The following CCSER1 variants were observed in gnomAD, a reference collection of about 807,000 sequenced individuals.
CCSER1 encodes the protein serine-rich coiled-coil domain-containing protein 1.
CCSER1 carries 41 observed loss-of-function variants against 82.0 expected under a neutral mutation model. That is an observed-to-expected ratio of 0.50 (90% CI 0.39 to 0.65). The LOEUF (loss-of-function observed/expected upper bound fraction) is 0.65, where lower values mean the gene tolerates loss of function less well. Ranked by LOEUF, CCSER1 falls within the 30% of genes least tolerant of loss-of-function variation. CCSER1 has a pLI of 0.00. For synonymous variants in CCSER1, 414 were observed against 383.9 expected (o/e 1.08, Z -0.92); for missense variants, 1,119 against 1,064.2 (o/e 1.05, Z -0.72).
At chr4:90,505,006 C>A (rs1770479924) in intron 5 of CCSER1, among the ~76,000 whole-genome samples, 1 of 152,098 alleles carries the variant, frequency 6.6e-6, no homozygotes, top group African/African-American at 2.4e-5. Flanking sequence ...CAACTGGGGC[C>A]ACAGAACAAC....
chr4:90,605,572 C>T (rs1484148355), intron 5 of CCSER1, among the ~76,000 whole-genome samples: 4 of 152,118 alleles, frequency 2.6e-5, no homozygotes, highest in African/African-American at 9.7e-5. Flanking sequence ...TTGTTTCCTC[C>T]TTGGGAAAAT....
chr4:91,108,584 C>A (rs571146277), intron 10 of CCSER1, among the ~76,000 whole-genome samples: 1 of 152,258 alleles, frequency 6.6e-6, no homozygotes, highest in East Asian at 1.9e-4. Context: ...TATACTCTGA[C>A]GTATAGTACT....
intron 10 of CCSER1, among the ~76,000 whole-genome samples, chr4:91,441,631 C>G (rs1454613205): frequency 6.6e-6 from 1 of 152,118 alleles, no homozygotes; most frequent in African/African-American, 2.4e-5. Flanking sequence ...GGCAGTTAGG[C>G]AGGAGAAGGA....
chr4:90,710,942 C>T (rs570245636), intron 6 of CCSER1, among the ~76,000 whole-genome samples: 27 of 152,034 alleles, frequency 1.8e-4, no homozygotes, highest in South Asian at 8.3e-4. Flanking sequence ...TCAGATGATA[C>T]TGATTCTTCT....
chr4:90,236,934 GT>G lies in CCSER1; in HGVS notation c.-41-71308del, dbSNP rs1435031352. 7.2e-5 allele frequency among the ~76,000 whole-genome samples: 11 copies of G among 152,152 alleles called. 1 individual carries two copies. In the East Asian group the frequency reaches 2.1e-3, roughly 29 times the overall value. ...TTGATTAGGTTTTCTTAATTTTAAA[GT>G]TGGAATGAAAGAAAAATGTGTTAGT... On this transcript the variant is annotated intron_variant, in intron 1 of 10. Coordinates refer to ENST00000509176, the MANE Select transcript of CCSER1 (RefSeq NM_001145065.2).
chr4:90,150,396 T>G (rs891355747), intron 1 of CCSER1, among the ~76,000 whole-genome samples: 1 of 152,136 alleles, frequency 6.6e-6, no homozygotes, highest in African/African-American at 2.4e-5. Flanking sequence ...GTTTCACACA[T>G]TTGGTGAATT....
rs145298844 is a variant in CCSER1, at chr4:91,367,064, T to C, written c.2218-231508T>C. The stretch of plus-strand genomic sequence containing the variant: ...ATCCTAGCATTTTGGGAGGCTGAGG[T>C]GGGTGGATTGCTTGAATTCAGGAGT... On this transcript the variant is annotated intron_variant, in intron 10 of 10. Transcript: ENST00000509176. 7.6e-3 allele frequency among the ~76,000 whole-genome samples: 1,016 copies of C among 133,888 alleles called. 17 individuals are homozygous for C. The highest frequency in any genetic ancestry group is 0.027 in the African/African-American group (951 of 35,124). The allele number at this position is 133,888 out of a possible 152,430, so 87.8% of individuals were successfully genotyped here.
intron 10 of CCSER1, among the ~76,000 whole-genome samples, chr4:91,269,796 A>G (rs1741885217): frequency 6.6e-6 from 1 of 152,168 alleles, no homozygotes; most frequent in Non-Finnish European, 1.5e-5. Context: ...AAGATAATAC[A>G]ATTAAAACTC....
chr4:90,619,152 ATGGAAC>A (rs1347864177), intron 5 of CCSER1, among the ~76,000 whole-genome samples: 7 of 152,096 alleles, frequency 4.6e-5, no homozygotes, highest in African/African-American at 1.7e-4. Flanking sequence ...AAAAACTACA[ATGGAAC>A]TGAACTTCTA....
intron 5 of CCSER1, among the ~76,000 whole-genome samples, chr4:90,589,100 A>G (rs1193403952): frequency 6.6e-6 from 1 of 152,206 alleles, no homozygotes; most frequent in Non-Finnish European, 1.5e-5. Flanking sequence ...ACTAAAATAC[A>G]GGGAAAGTAT....
At chr4:90,321,166 T>C (rs1216317389) in intron 3 of CCSER1, among the ~76,000 whole-genome samples, 1 of 152,138 alleles carries the variant, frequency 6.6e-6, no homozygotes, top group African/African-American at 2.4e-5. Context: ...ATCTTATTCA[T>C]TCTACATAAC....
At chr4:90,949,929 C>G (rs1173146151) in intron 9 of CCSER1, among the ~76,000 whole-genome samples, 2 of 152,078 alleles carry the variant, frequency 1.3e-5, no homozygotes, top group Non-Finnish European at 2.9e-5. Context: ...AAAAACTTGC[C>G]TGCTGTCACA....
At chr4:91,353,290 G>A (rs1019310199) in intron 10 of CCSER1, among the ~76,000 whole-genome samples, 6 of 137,588 alleles carry the variant, frequency 4.4e-5, no homozygotes, top group East Asian at 3.0e-4. Flanking sequence ...TGAAAGGGTC[G>A]TGATTGATTT....
intron 8 of CCSER1, among the ~76,000 whole-genome samples, chr4:90,876,096 T>C (rs191294251): frequency 6.6e-6 from 1 of 152,048 alleles, no homozygotes; most frequent in East Asian, 1.9e-4. Context: ...GGAAGGCAAT[T>C]ATGAGAAGAA....
chr4:91,479,449 A>G (rs1365989182), intron 10 of CCSER1, among the ~76,000 whole-genome samples: 1 of 151,722 alleles, frequency 6.6e-6, no homozygotes, highest in African/African-American at 2.4e-5. Context: ...AAACGTCACT[A>G]GAAGAATCAC....
chr4:91,572,195 T>C (rs926806392), intron 10 of CCSER1, among the ~76,000 whole-genome samples: 10 of 152,062 alleles, frequency 6.6e-5, no homozygotes, highest in Non-Finnish European at 1.5e-4. Flanking sequence ...GCAATATACT[T>C]GGGCCAGCTC....
At chr4:90,292,540 C>G (rs914339950) in intron 1 of CCSER1, among the ~76,000 whole-genome samples, 1 of 151,840 alleles carries the variant, frequency 6.6e-6, no homozygotes, top group African/African-American at 2.4e-5. Flanking sequence ...AAAAGCCAAA[C>G]CCAAGATTCT....
chr4:90,693,925 G>A (rs1159317926), intron 6 of CCSER1, among the ~76,000 whole-genome samples: 1 of 151,752 alleles, frequency 6.6e-6, no homozygotes, highest in African/African-American at 2.4e-5. Flanking sequence ...AGGAGAGAGA[G>A]AGGGGAAAGA....
intron 10 of CCSER1, among the ~76,000 whole-genome samples, chr4:91,318,321 A>G (rs1429897998): frequency 6.6e-6 from 1 of 152,016 alleles, no homozygotes; most frequent in Non-Finnish European, 1.5e-5. Context: ...ATAAGTCTGT[A>G]AAGTTTCATT....
Sources: allele counts gnomAD v4.1 joint callset (sites outside exome capture counted in the v4.1 genomes callset), GRCh38; gene constraint gnomAD v4.1.1; transcripts MANE v1.5; gene names NCBI Gene and HGNC (gene_info 2026-07-23, HGNC 2026-07-21).